The following GABRB3 variants were observed in gnomAD, a reference collection of about 807,000 sequenced individuals.
The protein encoded by GABRB3 is gamma-aminobutyric acid type A receptor subunit beta3.
In GABRB3, 14 loss-of-function variants were observed where a neutral mutation model predicts 52.1. The observed-to-expected ratio is 0.27, with a 90% confidence interval of 0.18 to 0.42. The LOEUF is 0.42. GABRB3 is among the 10% of genes least tolerant of loss of function. GABRB3 has a pLI of 1.00. For synonymous variants in GABRB3, 260 were observed against 232.3 expected (o/e 1.12, Z -1.08); for missense variants, 307 against 609.1 (o/e 0.50, Z 5.22).
chr15:26,561,130 C>T lies in GABRB3; in HGVS notation c.882G>A (p.Arg294=). Residue 294 remains arginine (R), a synonymous_variant, in exon 8 of 9, where the codon CGG becomes CGA. Transcript: ENST00000311550. Reference sequence around the variant, plus strand: ...CATAGGGGATTTTGGGCAAGGTCTCCCGAAGGTGGGTGTTGATGGTTGTCA... The same window carrying T: ...CATAGGGGATTTTGGGCAAGGTCTCTCGAAGGTGGGTGTTGATGGTTGTCA... ...LTMTTINTHL[R]ETLPKIPYVK... The T allele has an allele frequency of 6.2e-7, 1 of 1,614,160 alleles. No individual in the cohort carries two copies. The highest frequency in any genetic ancestry group is 1.1e-5 in the South Asian group (1 of 91,068).
At chr15:26,665,480 C>A (rs2140620179) in intron 3 of GABRB3, among the ~76,000 whole-genome samples, 1 of 152,318 alleles carries the variant, frequency 6.6e-6, no homozygotes, top group South Asian at 2.1e-4. Flanking sequence ...TTTTAAATAG[C>A]TGTAGTAATG....
intron 3 of GABRB3, among the ~76,000 whole-genome samples, chr15:26,674,020 C>T (rs1019451209): frequency 6.6e-6 from 1 of 151,674 alleles, no homozygotes; most frequent in Non-Finnish European, 1.5e-5. Flanking sequence ...GGAGTGTGTA[C>T]ATTAATGTAT....
chr15:26,720,374 T>C (rs1889611226), intron 3 of GABRB3, among the ~76,000 whole-genome samples: 1 of 152,118 alleles, frequency 6.6e-6, no homozygotes, highest in Admixed American at 6.5e-5. Context: ...CTGTCAGTCA[T>C]TATTTTTCTC....
intron 4 of GABRB3, among the ~76,000 whole-genome samples, chr15:26,587,553 C>T (rs572253024): frequency 2.6e-5 from 4 of 152,088 alleles, no homozygotes; most frequent in South Asian, 2.1e-4. Flanking sequence ...GGAGAGTGGG[C>T]CTTTTGAGTG....
chr15:26,572,007 C>T (rs55672130), intron 6 of GABRB3, among the ~76,000 whole-genome samples: 27,020 of 146,502 alleles, frequency 0.18, 3,068 homozygotes, highest in Admixed American at 0.25. Flanking sequence ...AATTGAGCTA[C>T]TGCACTCCAG....
chr15:26,691,701 T>G (rs910899848), intron 3 of GABRB3, among the ~76,000 whole-genome samples: 1 of 152,206 alleles, frequency 6.6e-6, no homozygotes, highest in Non-Finnish European at 1.5e-5. Flanking sequence ...CTATACTTAA[T>G]TAATTTCCTA....
intron 4 of GABRB3, among the ~76,000 whole-genome samples, chr15:26,605,856 T>C (rs1486074764): frequency 6.6e-6 from 1 of 152,082 alleles, no homozygotes; most frequent in African/African-American, 2.4e-5. Flanking sequence ...GGGTAATTTA[T>C]AAAGAAAAGA....
chr15:26,556,690 CATGA>C (rs35652896), intron 8 of GABRB3, among the ~76,000 whole-genome samples: 27,321 of 151,978 alleles, frequency 0.18, 3,035 homozygotes, highest in Admixed American at 0.25. Flanking sequence ...CTTAAGCATT[CATGA>C]ATCAATTATT....
Position 26,543,576 on chromosome 15 carries a change from T to G in GABRB3, c.*4217A>C, listed in dbSNP as rs142401138. ...GTCAGTTACTCCTTTTTTAATAAATTTGAATTCATTCATCAACAAGTTTCA... is the reference window on the plus strand; with the variant it reads ...GTCAGTTACTCCTTTTTTAATAAATGTGAATTCATTCATCAACAAGTTTCA... On this transcript the variant is annotated 3_prime_UTR_variant, in exon 9 of 9. Transcript: ENST00000311550. The G allele has an allele frequency of 6.5e-6, 1 of 152,736 alleles. No homozygotes were observed. Among genetic ancestry groups the G allele is most frequent in the African/African-American group, 2.4e-5 (1 of 41,566 alleles). 9.5% of individuals were successfully genotyped at this position (152,736 alleles called of 1,614,324 possible). A position where few individuals can be genotyped will look rare whatever the true frequency, so the allele number is the denominator to read the frequency against.
intron 3 of GABRB3, chr15:26,625,021 G>A (rs771152781): frequency 2.4e-5 from 23 of 952,566 alleles, no homozygotes; most frequent in South Asian, 9.7e-5. Flanking sequence ...ATCCTATATC[G>A]ATGAAGTAAC....
chr15:26,584,652 C>T (rs564037840), intron 4 of GABRB3, among the ~76,000 whole-genome samples: 1 of 152,362 alleles, frequency 6.6e-6, no homozygotes, highest in Non-Finnish European at 1.5e-5. Context: ...GCCAACCCTA[C>T]ACTGAGAAAC....
chr15:26,576,169 C>T (rs1471844341), intron 6 of GABRB3, among the ~76,000 whole-genome samples: 1 of 152,166 alleles, frequency 6.6e-6, no homozygotes, highest in African/African-American at 2.4e-5. Context: ...TTCAGTATTT[C>T]TTTTAACCTG....
At chr15:26,614,685 C>G (rs1318022862) in intron 4 of GABRB3, 1 of 152,136 alleles carries the variant, frequency 6.6e-6, no homozygotes, top group Admixed American at 6.6e-5. Flanking sequence ...AGTATTTTAA[C>G]AGAACCACCA....
intron 4 of GABRB3, among the ~76,000 whole-genome samples, chr15:26,585,159 G>A (rs1868833912): frequency 1.3e-5 from 2 of 152,200 alleles, no homozygotes; most frequent in African/African-American, 4.8e-5. Flanking sequence ...CCAGGGAGCA[G>A]CTTCTGAAAG....
chr15:26,574,846 C>G (rs183410946), intron 6 of GABRB3, among the ~76,000 whole-genome samples: 2 of 152,158 alleles, frequency 1.3e-5, no homozygotes, highest in African/African-American at 4.8e-5. Context: ...ATACTAAACA[C>G]CACTGAATGT....
intron 3 of GABRB3, among the ~76,000 whole-genome samples, chr15:26,752,574 A>G (rs1198889124): frequency 2.0e-5 from 3 of 152,014 alleles, no homozygotes; most frequent in East Asian, 1.9e-4. Context: ...CTCTCCTTTA[A>G]TAAGTGTTTT....
intron 3 of GABRB3, among the ~76,000 whole-genome samples, chr15:26,636,303 A>G (rs1378603203): frequency 6.6e-6 from 1 of 152,176 alleles, no homozygotes; most frequent in Non-Finnish European, 1.5e-5. Flanking sequence ...GTCTCTGACC[A>G]TTCAGATCCA....
chr15:26,728,395 G>A lies in GABRB3; in HGVS notation c.240+44007C>T, dbSNP rs117563743. Among the ~76,000 whole-genome samples, 751 of 152,298 alleles carry A rather than the reference G, an allele frequency of 4.9e-3. 1 individual carries two copies. Among genetic ancestry groups the A allele is most frequent in the Non-Finnish European group, 7.6e-3 (517 of 68,022 alleles). On this transcript the variant is annotated intron_variant, in intron 3 of 8. Transcript: ENST00000311550. ...TGGCCCAGGGACTGCCTCCAGTCCAGCACGCACAGAGTCTTCATGGAAAAT... is the reference window on the plus strand; with the variant it reads ...TGGCCCAGGGACTGCCTCCAGTCCAACACGCACAGAGTCTTCATGGAAAAT...
chr15:26,672,808 G>A (rs947456309), intron 3 of GABRB3, among the ~76,000 whole-genome samples: 3 of 152,166 alleles, frequency 2.0e-5, no homozygotes, highest in African/African-American at 7.2e-5. Flanking sequence ...AAGGACGGAT[G>A]AAAAATATGT....
Sources: gnomAD v4.1 joint callset for allele counts (sites outside exome capture counted in the v4.1 genomes callset) on GRCh38, gnomAD v4.1.1 for gene constraint, MANE v1.5 for transcripts, NCBI Gene and HGNC (gene_info 2026-07-23, HGNC 2026-07-21) for gene names.